The following L3MBTL4 variants were observed in gnomAD, a reference collection of about 807,000 sequenced individuals.
L3MBTL4 encodes lethal(3)malignant brain tumor-like protein 4.
L3MBTL4 carries 70 observed loss-of-function variants against 84.5 expected under a neutral mutation model. That is an observed-to-expected ratio of 0.83 (90% confidence interval 0.68 to 1.01). The LOEUF (loss-of-function observed/expected upper bound fraction) is 1.01. L3MBTL4 is among the 50% of genes least tolerant of loss of function. The pLI is 0.00. For synonymous variants in L3MBTL4, 274 were observed against 259.8 expected, an observed-to-expected ratio of 1.05 and a Z score of -0.52; for missense variants, 715 against 754.8, an observed-to-expected ratio of 0.95 and a Z score of 0.62.
intron 14 of L3MBTL4, among the ~76,000 whole-genome samples, chr18:6,104,378 G>A (rs2058931761): frequency 6.6e-6 from 1 of 152,096 alleles, no homozygotes; most frequent in Admixed American, 6.6e-5. Context: ...TACATACAAT[G>A]GTATATTATT....
At chr18:5,990,969 T>C (rs565841) in intron 16 of L3MBTL4, among the ~76,000 whole-genome samples, 75,985 of 151,928 alleles carry the variant, frequency 0.5, 19,265 homozygotes, top group East Asian at 0.76. Context: ...TGTCTCCCCA[T>C]CTCTCTGATC....
chr18:5,968,302 A>G (rs2052453186), intron 17 of L3MBTL4, among the ~76,000 whole-genome samples: 1 of 152,228 alleles, frequency 6.6e-6, no homozygotes, highest in African/African-American at 2.4e-5. Context: ...TATCCAAAGG[A>G]ATTACAGGTA....
chr18:6,035,406 A>G (rs2056080368), intron 16 of L3MBTL4, among the ~76,000 whole-genome samples: 1 of 151,068 alleles, frequency 6.6e-6, no homozygotes, highest in Admixed American at 6.6e-5. Flanking sequence ...TAAATAGGGA[A>G]TCCTTTCCCC....
chr18:6,276,124 T>C (rs1228768105), intron 4 of L3MBTL4, among the ~76,000 whole-genome samples: 1 of 152,226 alleles, frequency 6.6e-6, no homozygotes, highest in Non-Finnish European at 1.5e-5. Flanking sequence ...CATTTGTCTC[T>C]TACCTACCTA....
rs867087043 is a variant in L3MBTL4 at position 6,031,817 on chromosome 18, T to G, written c.1444+49064A>C. 7.3e-4 allele frequency: 717 copies of G among 984,780 alleles called. 2 individuals are homozygous for G. In the African/African-American group the frequency reaches 0.012, roughly 16 times the overall value. The allele number at this position is 984,780 out of a possible 1,614,324, so 61.0% of individuals were successfully genotyped here. A position where few individuals can be genotyped will look rare whatever the true frequency, so the allele number is the denominator to read the frequency against. Reference sequence around the variant, plus strand: ...AAGGCAAATCAGATTCATGGTTTTTTTTTTTTTTTAATTTCACAGATTTAG... The same window carrying G: ...AAGGCAAATCAGATTCATGGTTTTTGTTTTTTTTTAATTTCACAGATTTAG... On this transcript the variant is annotated intron_variant, in intron 16 of 18. Transcript: ENST00000317931.
chr18:6,165,205 T>C (rs185433071), intron 13 of L3MBTL4, among the ~76,000 whole-genome samples: 182 of 152,296 alleles, frequency 1.2e-3, no homozygotes, highest in Non-Finnish European at 2.1e-3. Flanking sequence ...CTACATCTGA[T>C]TGGTGTACCT....
At chr18:5,974,167 CT>C (rs1159996622) in intron 16 of L3MBTL4, among the ~76,000 whole-genome samples, 3 of 151,952 alleles carry the variant, frequency 2.0e-5, no homozygotes, top group Non-Finnish European at 4.4e-5. Flanking sequence ...ATGGGTGTTT[CT>C]TTTGGATTTT....
intron 13 of L3MBTL4, among the ~76,000 whole-genome samples, chr18:6,160,273 T>C (rs2043271093): frequency 1.3e-5 from 2 of 152,194 alleles, no homozygotes; most frequent in African/African-American, 4.8e-5. Flanking sequence ...GTGACTACCT[T>C]TTGTGTTGCA....
rs986046160 is a variant in L3MBTL4 at position 6,232,394 on chromosome 18, C to T, written c.784+5570G>A. Reference sequence around the variant, plus strand: ...TTTGGTATTATGGTAATTATGTTGGCCTCATAAAATAAGTTAGGAAGTGTT... The same window carrying T: ...TTTGGTATTATGGTAATTATGTTGGTCTCATAAAATAAGTTAGGAAGTGTT... On this transcript the variant is annotated intron_variant, in intron 10 of 18. Coordinates refer to ENST00000317931, the MANE Select transcript of L3MBTL4 (RefSeq NM_001330559.2). Among the ~76,000 whole-genome samples the T allele has an allele frequency of 2.6e-5, 4 of 151,898 alleles. No homozygotes were observed. In the South Asian group the frequency reaches 8.3e-4, roughly 32 times the overall value.
At chr18:6,398,840 C>T (rs1167489594) in intron 1 of L3MBTL4, among the ~76,000 whole-genome samples, 7 of 152,106 alleles carry the variant, frequency 4.6e-5, no homozygotes, top group Admixed American at 4.6e-4. Flanking sequence ...CCCCAGGCAC[C>T]ATGAGCCACC....
chr18:6,000,128 T>C lies in L3MBTL4; in HGVS notation c.1445-30566A>G, dbSNP rs763971246. Among the ~76,000 whole-genome samples, 6 of 152,180 alleles carry C rather than the reference T, an allele frequency of 3.9e-5. No individual in the cohort carries two copies. In the East Asian group the frequency reaches 9.6e-4, roughly 24 times the overall value. ...AGAAGAAAAAGAAAAAAAAATGATA[T>C]GGTGTTGTTATAAAGATGCCATGAG... is the stretch of plus-strand genomic sequence containing the variant. On this transcript the variant is annotated intron_variant, in intron 16 of 18. Coordinates refer to ENST00000317931, the MANE Select transcript of L3MBTL4 (RefSeq NM_001330559.2).
intron 13 of L3MBTL4, among the ~76,000 whole-genome samples, chr18:6,171,407 G>A (rs2043964339): frequency 6.6e-6 from 1 of 152,132 alleles, no homozygotes; most frequent in South Asian, 2.1e-4. Flanking sequence ...TTTTTTATAA[G>A]TAAAATCTGA....
At chr18:6,288,363 C>T (rs2049693127) in intron 4 of L3MBTL4, among the ~76,000 whole-genome samples, 1 of 152,054 alleles carries the variant, frequency 6.6e-6, no homozygotes, top group Non-Finnish European at 1.5e-5. Context: ...TGCTAACTAA[C>T]CCAAATGTTT....
intron 13 of L3MBTL4, among the ~76,000 whole-genome samples, chr18:6,150,081 C>G (rs750767379): frequency 8.5e-5 from 13 of 152,166 alleles, no homozygotes; most frequent in Non-Finnish European, 1.5e-4. Flanking sequence ...TTTTTCCTCT[C>G]TTTTACTAAA....
chr18:6,199,987 T>C (rs935150591), intron 12 of L3MBTL4, among the ~76,000 whole-genome samples: 11 of 152,098 alleles, frequency 7.2e-5, no homozygotes, highest in Non-Finnish European at 1.6e-4. Flanking sequence ...GCCAGCCCAG[T>C]GATGGACAAC....
chr18:6,270,118 T>C (rs932530836), intron 4 of L3MBTL4, among the ~76,000 whole-genome samples: 2 of 152,218 alleles, frequency 1.3e-5, no homozygotes, highest in African/African-American at 2.4e-5. Flanking sequence ...CACACTGTTA[T>C]AAATAGCGCC....
intron 16 of L3MBTL4, among the ~76,000 whole-genome samples, chr18:6,069,002 C>T (rs1346396419): frequency 1.3e-5 from 2 of 152,182 alleles, no homozygotes; most frequent in Non-Finnish European, 2.9e-5. Flanking sequence ...CCCAGTGGGA[C>T]TACCACACTT....
intron 4 of L3MBTL4, among the ~76,000 whole-genome samples, chr18:6,271,533 C>A (rs1001369293): frequency 6.6e-6 from 1 of 152,160 alleles, no homozygotes; most frequent in Non-Finnish European, 1.5e-5. Context: ...GCGCAGAACG[C>A]GGAGGAAAGT....
At chr18:6,027,334 C>T (rs1042909865) in intron 16 of L3MBTL4, among the ~76,000 whole-genome samples, 1 of 152,130 alleles carries the variant, frequency 6.6e-6, no homozygotes, top group South Asian at 2.1e-4. Flanking sequence ...TGGCTTCCAG[C>T]TTCATGCATG....
Sources: gnomAD v4.1 joint callset for allele counts (sites outside exome capture counted in the v4.1 genomes callset) on GRCh38, gnomAD v4.1.1 for gene constraint, MANE v1.5 for transcripts, NCBI Gene and HGNC (gene_info 2026-07-23, HGNC 2026-07-21) for gene names.